PARD3B: variants seen among roughly 807,000 people sequenced by gnomAD.
PARD3B encodes the protein par-3 family cell polarity regulator beta, also known as partitioning defective 3 homolog B.
A neutral mutation model predicts 130.2 loss-of-function variants in PARD3B; 103 were observed. The ratio of observed to expected loss-of-function variants is 0.79; its 90% CI spans 0.67 to 0.93. The LOEUF is 0.93. Ranked by LOEUF, PARD3B falls within the 40% of genes least tolerant of loss-of-function variation. PARD3B has a pLI of 0.00. For synonymous variants in PARD3B, 583 were observed against 553.2 expected, an observed-to-expected ratio of 1.05 and a Z score of -0.76; for missense variants, 1,609 against 1,499.2, an observed-to-expected ratio of 1.07 and a Z score of -1.21.
chr2:205,618,603 G>A lies in PARD3B; in HGVS notation c.*2790G>A, dbSNP rs1009434337. 4.6e-5 allele frequency: 7 copies of A among 152,212 alleles called. No individual in the cohort carries two copies. The highest frequency in any genetic ancestry group is 2.0e-4 in the Admixed American group (3 of 15,278). 9.4% of individuals were successfully genotyped at this position (152,212 alleles called of 1,614,324 possible). A position where few individuals can be genotyped will look rare whatever the true frequency, so the allele number is the denominator to read the frequency against. ...ATCAACATACATCCACTTGGCTGCA[G>A]ATCTGACTGCTGGGTCATGAAGGCC... On this transcript the variant is annotated 3_prime_UTR_variant, in exon 23 of 23. Transcript: ENST00000406610.
chr2:204,871,207 A>G (rs1044872604), intron 2 of PARD3B, among the ~76,000 whole-genome samples: 1 of 152,152 alleles, frequency 6.6e-6, no homozygotes, highest in African/African-American at 2.4e-5. Context: ...GTGTTTTTAC[A>G]TTACAGAGAT....
chr2:205,402,180 G>A (rs1373232732), intron 19 of PARD3B, among the ~76,000 whole-genome samples: 1 of 152,152 alleles, frequency 6.6e-6, no homozygotes, highest in Non-Finnish European at 1.5e-5. Context: ...TCTCATTTTT[G>A]AGAGGTTGAT....
At chr2:205,554,411 A>G (rs1191726777) in intron 22 of PARD3B, among the ~76,000 whole-genome samples, 1 of 152,248 alleles carries the variant, frequency 6.6e-6, no homozygotes, top group Non-Finnish European at 1.5e-5. Context: ...TATAAATAGT[A>G]TGTTATTTTC....
At chr2:204,826,881 A>G (rs1212585892) in intron 2 of PARD3B, among the ~76,000 whole-genome samples, 1 of 152,086 alleles carries the variant, frequency 6.6e-6, no homozygotes, top group African/African-American at 2.4e-5. Context: ...TTAGCCAGTC[A>G]TGGTGGTATG....
At chr2:204,618,863 G>T (rs1286085900) in intron 1 of PARD3B, among the ~76,000 whole-genome samples, 1 of 151,978 alleles carries the variant, frequency 6.6e-6, no homozygotes, top group African/African-American at 2.4e-5. Context: ...ATGGACTTGG[G>T]AGTCTATTTT....
At chr2:205,298,335 G>A (rs1278354918) in intron 16 of PARD3B, among the ~76,000 whole-genome samples, 1 of 152,004 alleles carries the variant, frequency 6.6e-6, no homozygotes, top group African/African-American at 2.4e-5. Context: ...GATGCCTTTT[G>A]TTTTCTTGTC....
intron 16 of PARD3B, among the ~76,000 whole-genome samples, chr2:205,259,500 TC>T (rs2040219072): frequency 6.6e-6 from 1 of 152,176 alleles, no homozygotes; most frequent in Non-Finnish European, 1.5e-5. Flanking sequence ...ATTCTCTTTG[TC>T]CTTGACGTTC....
chr2:205,380,732 G>A, intron 18 of PARD3B, among the ~76,000 whole-genome samples: 2 of 93,924 alleles, frequency 2.1e-5, no homozygotes, highest in East Asian at 3.7e-4. Context: ...TATATATAAA[G>A]AATATACATT....
At chr2:205,303,621 A>G (rs1008284462) in intron 18 of PARD3B, among the ~76,000 whole-genome samples, 1 of 152,082 alleles carries the variant, frequency 6.6e-6, no homozygotes, top group Non-Finnish European at 1.5e-5. Context: ...AGATGTTCCA[A>G]CCAGCCTTGC....
intron 10 of PARD3B, among the ~76,000 whole-genome samples, chr2:205,141,025 G>A (rs377574370): frequency 2.6e-5 from 4 of 152,062 alleles, no homozygotes; most frequent in Non-Finnish European, 4.4e-5. Context: ...TACATCCACC[G>A]GGATAACGGA....
At chr2:204,813,162 C>T (rs2043022838) in intron 2 of PARD3B, among the ~76,000 whole-genome samples, 1 of 152,176 alleles carries the variant, frequency 6.6e-6, no homozygotes, top group Non-Finnish European at 1.5e-5. Flanking sequence ...AATTTTTACA[C>T]TCACACCAAT....
At chr2:204,919,148 TA>T (rs1162268914) in intron 2 of PARD3B, among the ~76,000 whole-genome samples, 1 of 152,338 alleles carries the variant, frequency 6.6e-6, no homozygotes, top group Non-Finnish European at 1.5e-5. Flanking sequence ...CAAGGCGTCT[TA>T]TTTTTTTATG....
chr2:204,681,553 T>TA (rs1204057587), intron 1 of PARD3B, among the ~76,000 whole-genome samples: 1 of 152,232 alleles, frequency 6.6e-6, no homozygotes, highest in Non-Finnish European at 1.5e-5. Flanking sequence ...GGCTGGTTCA[T>TA]AATAAACTGT....
At chr2:205,511,488 T>C (rs546382923) in intron 21 of PARD3B, among the ~76,000 whole-genome samples, 1 of 152,352 alleles carries the variant, frequency 6.6e-6, no homozygotes, top group South Asian at 2.1e-4. Context: ...TGTTGGATCA[T>C]GGTTAAAACC....
At chr2:205,417,964 A>G (rs1346083819) in intron 19 of PARD3B, among the ~76,000 whole-genome samples, 1 of 152,198 alleles carries the variant, frequency 6.6e-6, no homozygotes, top group Non-Finnish European at 1.5e-5. Context: ...ACTATTGTTA[A>G]TCTGTATCAT....
intron 2 of PARD3B, among the ~76,000 whole-genome samples, chr2:204,694,719 G>A (rs184474119): frequency 3.3e-5 from 5 of 152,160 alleles, no homozygotes; most frequent in Non-Finnish European, 7.4e-5. Flanking sequence ...TTAAACTACA[G>A]TAATCTTGAT....
intron 4 of PARD3B, among the ~76,000 whole-genome samples, chr2:205,103,100 T>A (rs1376290790): frequency 1.4e-5 from 2 of 148,010 alleles, no homozygotes; most frequent in East Asian, 3.9e-4. Flanking sequence ...ATTTTTTTAT[T>A]TTTATATTTA....
chr2:204,706,997 G>C (rs1000382018), intron 2 of PARD3B, among the ~76,000 whole-genome samples: 2 of 152,160 alleles, frequency 1.3e-5, no homozygotes, highest in Non-Finnish European at 2.9e-5. Flanking sequence ...AATTTGCATG[G>C]CCTGTTTTTG....
chr2:204,849,072 T>C (rs979127671), intron 2 of PARD3B, among the ~76,000 whole-genome samples: 2 of 152,190 alleles, frequency 1.3e-5, no homozygotes, highest in African/African-American at 4.8e-5. Flanking sequence ...AAATTGACTT[T>C]ATGAAAATTC....
Sources: gnomAD v4.1 joint callset for allele counts (sites outside exome capture counted in the v4.1 genomes callset) on GRCh38, gnomAD v4.1.1 for gene constraint, MANE v1.5 for transcripts, NCBI Gene and HGNC (gene_info 2026-07-23, HGNC 2026-07-21) for gene names.